GGCX: variants seen among roughly 807,000 people sequenced by gnomAD.
GGCX encodes gamma-glutamyl carboxylase.
GGCX carries 63 observed loss-of-function variants against 88.5 expected under a neutral mutation model. That is an observed-to-expected ratio of 0.71 (90% CI 0.58 to 0.88). GGCX has a LOEUF of 0.88. GGCX is among the 40% of genes least tolerant of loss of function. The pLI is 0.00. For missense variants in GGCX, 805 were observed against 932.9 expected (o/e 0.86, Z 1.79); for synonymous variants, 368 against 365.8 (o/e 1.01, Z -0.07).
intron 6 of GGCX, chr2:85,555,190 G>A (rs1053453483): frequency 2.0e-5 from 7 of 351,242 alleles, no homozygotes; most frequent in African/African-American, 1.5e-4. Flanking sequence ...ACCATCCAAG[G>A]CAGCTGCTGA....
chr2:85,550,777 A>G (rs759336881), intron 13 of GGCX, 27 bp from the exon 14 acceptor site: 1 of 1,605,910 alleles, frequency 6.2e-7, no homozygotes, highest in East Asian at 2.2e-5. Flanking sequence ...AAAAAGAGGA[A>G]TCACTGAGAT....
Position 85,550,580 on chromosome 2 carries a change from G to C in GGCX, c.2059C>G (p.Arg687Gly), listed in dbSNP as rs376920829. ...CTGCGGCGAAAGACATAGAGCTTTCGCAACAAGAAGCGGAAGAATCGCTCA... is the reference window on the plus strand; with the variant it reads ...CTGCGGCGAAAGACATAGAGCTTTCCCAACAAGAAGCGGAAGAATCGCTCA... The part of the protein sequence containing the change: ...FHERFFRFLL[R>G]KLYVFRRSFL... Residue 687 changes from arginine (R) to glycine (G), a missense_variant, in exon 14 of 15, where the codon CGA becomes GGA. By Grantham distance (125) the Arg-to-Gly change is moderately radical (BLOSUM62 -2). Transcript: ENST00000233838. 1.1e-5 allele frequency: 17 copies of C among 1,613,784 alleles called. No homozygotes were observed. Among genetic ancestry groups the C allele is most frequent in the Non-Finnish European group, 1.4e-5 (17 of 1,179,692 alleles).
At position 85,545,719 on chromosome 2, in the gene GGCX, C is replaced by T. The variant is rs886056358; in HGVS notation, c.*4215G>A. The T allele has an allele frequency of 3.9e-5, 6 of 152,144 alleles. No homozygotes were observed. The highest frequency in any genetic ancestry group is 2.1e-4 in the South Asian group (1 of 4,818). 9.4% of individuals were successfully genotyped at this position (152,144 alleles called of 1,614,324 possible). On this transcript the variant is annotated 3_prime_UTR_variant, in exon 15 of 15. Transcript: ENST00000233838. Reference sequence around the variant, plus strand: ...TTCAAACCATTGAAGGCATAAAAACCGCTAAAAGTATTAACCTGGAAGTGG... The same window carrying T: ...TTCAAACCATTGAAGGCATAAAAACTGCTAAAAGTATTAACCTGGAAGTGG...
intron 5 of GGCX, 71 bp downstream of exon 5, chr2:85,556,111 C>G: frequency 1.1e-6 from 1 of 906,786 alleles, no homozygotes; most frequent in Non-Finnish European, 1.9e-6. Flanking sequence ...AGAGTGTAGT[C>G]TGGCAGTGGG....
At position 85,561,477 on chromosome 2, in the gene GGCX, G is replaced by A. The variant is rs568177734; in HGVS notation, c.-49C>T. ...GTCACAGCTGCCGCGTCTGAACGGA[G>A]GCCGCCAGGAGAATTTGCTTCCCTA... On this transcript the variant is annotated 5_prime_UTR_variant, in exon 1 of 15. Coordinates refer to ENST00000233838, the MANE Select transcript of GGCX (RefSeq NM_000821.7). The A allele has an allele frequency of 2.1e-6, 3 of 1,428,064 alleles. No individual in the cohort carries two copies. Among genetic ancestry groups the A allele is most frequent in the East Asian group, 2.4e-5 (1 of 41,594 alleles). The allele number at this position is 1,428,064 out of a possible 1,614,324, so 88.5% of individuals were successfully genotyped here.
In GGCX at chr2:85,560,878, G is replaced by C. The variant is rs571352672; in HGVS notation, c.151C>G (p.Leu51Val). The change falls in exon 2 of 15, where the codon CTG becomes GTG. Residue 51 changes from leucine to valine, a missense_variant. This residue lies in a region of GGCX where 61 missense variants were observed against 111.9 expected (regional missense o/e 0.54). Coordinates refer to ENST00000233838, the MANE Select transcript of GGCX (RefSeq NM_000821.7). ...EWTDLSSWRR[L>V]VTLLNRPTDP... Reference sequence around the variant, plus strand: ...GTTGGTCGATTCAGCAGGGTCACCAGCCTCCGCCAACTGGACAAATCTGTC... The same window carrying C: ...GTTGGTCGATTCAGCAGGGTCACCACCCTCCGCCAACTGGACAAATCTGTC... 6.2e-7 allele frequency: 1 copy of C among 1,613,972 alleles called. No homozygotes were observed. The highest frequency in any genetic ancestry group is 2.2e-5 in the East Asian group (1 of 44,886).
chr2:85,545,535 T>C lies in GGCX; in HGVS notation c.*4399A>G, dbSNP rs1054028624. 3 of 152,234 alleles carry C rather than the reference T, an allele frequency of 2.0e-5. No individual in the cohort carries two copies. Among genetic ancestry groups the C allele is most frequent in the Admixed American group, 2.0e-4 (3 of 15,284 alleles). The allele number at this position is 152,234 out of a possible 1,614,324, so 9.4% of individuals were successfully genotyped here. On this transcript the variant is annotated 3_prime_UTR_variant, in exon 15 of 15. Coordinates refer to ENST00000233838, the MANE Select transcript of GGCX (RefSeq NM_000821.7). ...AATTGTAATCCATAATTAGCCATAA[T>C]TCAGGAAAATAACCTCAATCCCTAG...
rs897882406 is a variant in GGCX at position 85,546,026 on chromosome 2, A to G, written c.*3908T>C. On this transcript the variant is annotated 3_prime_UTR_variant, in exon 15 of 15. Transcript: ENST00000233838. ...CATAGAGAATAGCCACTTGGATTAC[A>G]TTTCTACCAACATCTGAATGGTGGT... 6.6e-6 allele frequency: 1 copy of G among 152,248 alleles called. No individual in the cohort carries two copies. Among genetic ancestry groups the G allele is most frequent in the African/African-American group, 2.4e-5 (1 of 41,470 alleles). The allele number at this position is 152,248 out of a possible 1,614,324, so 9.4% of individuals were successfully genotyped here.
In GGCX at chr2:85,553,065, A is replaced by G. The variant is rs1369558015; in HGVS notation, c.1161T>C (p.Tyr387=). 6.2e-7 allele frequency: 1 copy of G among 1,614,196 alleles called. No homozygotes were observed. The highest frequency in any genetic ancestry group is 1.3e-5 in the African/African-American group (1 of 75,058). Residue 387 remains tyrosine (Y), a synonymous_variant, in exon 9 of 15, where the codon TAT becomes TAC. Transcript: ENST00000233838. ...LPYSHFLTQG[Y]NNWTNGLYGY... ...CATACAGCCCATTTGTCCAGTTGTT[A>G]TAGCCCTGGGAAGGCAGCACAGAGG...
At chr2:85,552,275 T>C in intron 10 of GGCX, 141 bp downstream of exon 10, 1 of 875,802 alleles carries the variant, frequency 1.1e-6, no homozygotes, top group Non-Finnish European at 1.9e-6. Flanking sequence ...CAACCAGCTA[T>C]GCCCACAACC....
At position 85,549,916 on chromosome 2, in the gene GGCX, C is replaced by G. The variant is rs1171952908; in HGVS notation, c.*18G>C. On this transcript the variant is annotated 3_prime_UTR_variant, in exon 15 of 15. Coordinates refer to ENST00000233838, the MANE Select transcript of GGCX (RefSeq NM_000821.7). ...GTGACTGGCTGCTTCTACATCTGCA[C>G]CCAACATCTGGCCCCCTTCAGAACT... 1 of 1,561,242 alleles carries G rather than the reference C, an allele frequency of 6.4e-7. No individual in the cohort carries two copies. The highest frequency in any genetic ancestry group is 1.4e-5 in the African/African-American group (1 of 73,656).
Position 85,555,544 on chromosome 2 carries a change from T to C in GGCX, c.665A>G (p.Asp222Gly), listed in dbSNP as rs1334688952. 1.2e-6 allele frequency: 2 copies of C among 1,608,640 alleles called. No individual in the cohort carries two copies. The highest frequency in any genetic ancestry group is 1.7e-6 in the Non-Finnish European group (2 of 1,175,016). Residue 222 changes from aspartate (D) to glycine (G), a missense_variant, in exon 6 of 15, where the codon GAC (aspartate) becomes GGC (glycine). This residue lies in a region of GGCX where 680 missense variants were observed against 763.7 expected (regional missense o/e 0.89). Coordinates refer to ENST00000233838, the MANE Select transcript of GGCX (RefSeq NM_000821.7). ...FIAGVKKLDADWVEGYSMEYL... is the reference protein window; with the variant it reads ...FIAGVKKLDAGWVEGYSMEYL... ...TTCCATGGAATAGCCTTCAACCCAG[T>C]CTGCATCCAGCTTTTTCACACCCGC...
At position 85,555,589 on chromosome 2, in the gene GGCX, ATCTGAAAATAAAATGTGACACAAAGT is replaced by A; in HGVS notation, c.619-25_619del. The stretch of plus-strand genomic sequence containing the variant: ...ACCCGCAATGAAGTACACAATGAAG[ATCTGAAAATAAAATGTGACACAAAGT>A]TCAAGCAAAAAGAATCTTTTCTACA... On this transcript the variant is annotated splice_acceptor_variant and splice_polypyrimidine_tract_variant and coding_sequence_variant and intron_variant, in exon 6 of 15. Coordinates refer to ENST00000233838, the MANE Select transcript of GGCX (RefSeq NM_000821.7). LOFTEE classifies it high-confidence loss of function. 6.6e-7 allele frequency: 1 copy of A among 1,517,366 alleles called. No homozygotes were observed. The highest frequency in any genetic ancestry group is 9.2e-7 in the Non-Finnish European group (1 of 1,091,672). The allele number at this position is 1,517,366 out of a possible 1,614,324, so 94.0% of individuals were successfully genotyped here.
rs1234762067 is a variant in GGCX, at chr2:85,547,400, AG to A, written c.*2533del. 6.6e-6 allele frequency: 1 copy of A among 152,216 alleles called. No individual in the cohort carries two copies. The allele number at this position is 152,216 out of a possible 1,614,324, so 9.4% of individuals were successfully genotyped here. ...ACCCCACTGAACAGCTTTTATTACC[AG>A]TATTTACATGACCACTTTTTCTTTA... On this transcript the variant is annotated 3_prime_UTR_variant, in exon 15 of 15. Transcript: ENST00000233838.
Position 85,552,615 on chromosome 2 carries a change from A to G in GGCX, c.1288-48T>C, listed in dbSNP as rs1157407390. 5 of 1,562,260 alleles carry G rather than the reference A, an allele frequency of 3.2e-6. No individual in the cohort carries two copies. In the African/African-American group the frequency reaches 6.8e-5, roughly 21 times the overall value. Reference sequence around the variant, plus strand: ...TCCCACCTCATCATTATCAACTTCCAAGACATGTCATGCACTGCCAATGGC... The same window carrying G: ...TCCCACCTCATCATTATCAACTTCCGAGACATGTCATGCACTGCCAATGGC... On this transcript the variant is annotated intron_variant, in intron 9 of 14. Transcript: ENST00000233838.
Position 85,547,334 on chromosome 2 carries a change from A to G in GGCX, c.*2600T>C, listed in dbSNP as rs1384982380. On this transcript the variant is annotated 3_prime_UTR_variant, in exon 15 of 15. Transcript: ENST00000233838. Reference sequence around the variant, plus strand: ...AAGTCTTTTGGCTAAAAGGACATTGATAGCCCATTTTTAGAATGGCTACAG... The same window carrying G: ...AAGTCTTTTGGCTAAAAGGACATTGGTAGCCCATTTTTAGAATGGCTACAG... 1 of 152,224 alleles carries G rather than the reference A, an allele frequency of 6.6e-6. No homozygotes were observed. The highest frequency in any genetic ancestry group is 2.4e-5 in the African/African-American group (1 of 41,450). The allele number at this position is 152,224 out of a possible 1,614,324, so 9.4% of individuals were successfully genotyped here.
chr2:85,551,703 C>A, intron 11 of GGCX, 93 bp from the exon 12 acceptor site: 1 of 1,571,134 alleles, frequency 6.4e-7, no homozygotes. Context: ...CCACCATCAT[C>A]CCCTTAGGTT....
At position 85,548,665 on chromosome 2, in the gene GGCX, C is replaced by T. The variant is rs1261547557; in HGVS notation, c.*1269G>A. 8 of 152,176 alleles carry T rather than the reference C, an allele frequency of 5.3e-5. No individual in the cohort carries two copies. The highest frequency in any genetic ancestry group is 1.9e-4 in the African/African-American group (8 of 41,428). The allele number at this position is 152,176 out of a possible 1,614,324, so 9.4% of individuals were successfully genotyped here. Reference sequence around the variant, plus strand: ...TTTACTACCGGTCTCTGCTACAAGTCCATGAGCTCCCAAAGCAGGGATCCT... The same window carrying T: ...TTTACTACCGGTCTCTGCTACAAGTTCATGAGCTCCCAAAGCAGGGATCCT... On this transcript the variant is annotated 3_prime_UTR_variant, in exon 15 of 15. Coordinates refer to ENST00000233838, the MANE Select transcript of GGCX (RefSeq NM_000821.7).
At position 85,545,294 on chromosome 2, in the gene GGCX, T is replaced by C. The variant is rs1691601328; in HGVS notation, c.*4640A>G. ...GTTCTACCTTAACTGTGTCTGTTACTCATTTGTTAAAGTGCTTTGGGGCCA... is the reference window on the plus strand; with the variant it reads ...GTTCTACCTTAACTGTGTCTGTTACCCATTTGTTAAAGTGCTTTGGGGCCA... On this transcript the variant is annotated 3_prime_UTR_variant, in exon 15 of 15. Transcript: ENST00000233838. The C allele has an allele frequency of 6.6e-6, 1 of 152,642 alleles. No individual in the cohort carries two copies. Among genetic ancestry groups the C allele is most frequent in the African/African-American group, 2.4e-5 (1 of 41,446 alleles). The allele number at this position is 152,642 out of a possible 1,614,324, so 9.5% of individuals were successfully genotyped here. A position where few individuals can be genotyped will look rare whatever the true frequency, so the allele number is the denominator to read the frequency against.
Sources: gnomAD v4.1 joint callset for allele counts on GRCh38, gnomAD v4.1.1 for gene constraint, gnomAD v4.1.1 regional missense constraint, MANE v1.5 for transcripts, NCBI Gene and HGNC (gene_info 2026-07-23, HGNC 2026-07-21) for gene names.